The following EFCAB6 variants were observed in gnomAD, a reference collection of about 807,000 sequenced individuals.
EFCAB6 encodes the protein EF-hand calcium-binding domain-containing protein 6.
EFCAB6 carries 156 observed loss-of-function variants against 169.8 expected under a neutral mutation model. The ratio of observed to expected loss-of-function variants is 0.92; its 90% CI spans 0.81 to 1.05. The LOEUF (loss-of-function observed/expected upper bound fraction) is 1.05. Ranked by LOEUF, EFCAB6 falls within the 50% of genes least tolerant of loss-of-function variation. The pLI, the probability that EFCAB6 is intolerant of heterozygous loss-of-function variation, is 0.00. For missense variants in EFCAB6, 1,800 were observed against 1,829.1 expected, an observed-to-expected ratio of 0.98 and a Z score of 0.29; for synonymous variants, 698 against 676.4, an observed-to-expected ratio of 1.03 and a Z score of -0.50.
intron 2 of EFCAB6, among the ~76,000 whole-genome samples, chr22:43,782,910 C>G (rs2061880628): frequency 6.6e-6 from 1 of 152,114 alleles, no homozygotes; most frequent in Admixed American, 6.5e-5. Context: ...GGCATTTTAA[C>G]TTGCCTCATT....
chr22:43,654,617 A>G (rs1406038346), intron 17 of EFCAB6, among the ~76,000 whole-genome samples: 2 of 152,250 alleles, frequency 1.3e-5, no homozygotes, highest in African/African-American at 4.8e-5. Context: ...AATCCTCAGA[A>G]CTGTCAAGGC....
chr22:43,693,346 C>G (rs1385050407), intron 10 of EFCAB6, among the ~76,000 whole-genome samples: 1 of 151,684 alleles, frequency 6.6e-6, no homozygotes, highest in Non-Finnish European at 1.5e-5. Context: ...CCTGTATGGT[C>G]TTTCTCCCCA....
intron 21 of EFCAB6, among the ~76,000 whole-genome samples, chr22:43,613,233 A>C (rs2053450228): frequency 6.7e-6 from 1 of 149,110 alleles, no homozygotes; most frequent in African/African-American, 2.4e-5. Flanking sequence ...ACATAAATAT[A>C]TTCATATCAT....
chr22:43,582,859 T>A (rs1049397603), intron 24 of EFCAB6, among the ~76,000 whole-genome samples: 2 of 152,126 alleles, frequency 1.3e-5, no homozygotes, highest in African/African-American at 4.8e-5. Context: ...GTTAAAGAAA[T>A]CACCCCAACC....
chr22:43,719,684 A>G (rs2059454541), intron 8 of EFCAB6, among the ~76,000 whole-genome samples: 1 of 152,182 alleles, frequency 6.6e-6, no homozygotes, highest in Admixed American at 6.5e-5. Context: ...CTAGCTATGC[A>G]ATGGTGTGCT....
chr22:43,655,295 A>G lies in EFCAB6; in HGVS notation c.1983+11809T>C, dbSNP rs140708586. 3.3e-3 allele frequency among the ~76,000 whole-genome samples: 497 copies of G among 152,286 alleles called. 1 individual carries two copies. Among genetic ancestry groups the G allele is most frequent in the African/African-American group, 0.011 (477 of 41,568 alleles). On this transcript the variant is annotated intron_variant, in intron 17 of 31. Coordinates refer to ENST00000262726, the MANE Select transcript of EFCAB6 (RefSeq NM_022785.4). ...TAAATAAAATACATGTAAAATTAAAATGCAAAACAACTATCACACAAAAGA... is the reference window on the plus strand; with the variant it reads ...TAAATAAAATACATGTAAAATTAAAGTGCAAAACAACTATCACACAAAAGA...
chr22:43,761,911 G>A (rs2061175776), intron 5 of EFCAB6, among the ~76,000 whole-genome samples: 1 of 152,068 alleles, frequency 6.6e-6, no homozygotes, highest in African/African-American at 2.4e-5. Context: ...CGATTCTATT[G>A]GGTATTACAT....
intron 22 of EFCAB6, among the ~76,000 whole-genome samples, chr22:43,603,859 C>T (rs1220970506): frequency 6.6e-6 from 1 of 152,170 alleles, no homozygotes; most frequent in African/African-American, 2.4e-5. Flanking sequence ...GTGTCCCCAC[C>T]CAAATCTCAT....
chr22:43,713,005 T>A (rs1188785050), intron 9 of EFCAB6, among the ~76,000 whole-genome samples: 1 of 152,222 alleles, frequency 6.6e-6, no homozygotes, highest in East Asian at 1.9e-4. Context: ...AGTCTCACCT[T>A]CACATACCAT....
chr22:43,799,058 C>A lies in EFCAB6; in HGVS notation c.-8+9937G>T, dbSNP rs936956024. On this transcript the variant is annotated intron_variant, in intron 2 of 31. Transcript: ENST00000262726. ...CACAATGCAGCTGGGAGCAGTGGCT[C>A]ACACCTTTAACCCCAGCACTTTGGG... 7.9e-5 allele frequency among the ~76,000 whole-genome samples: 12 copies of A among 152,054 alleles called. 1 individual carries two copies. The highest frequency in any genetic ancestry group is 1.8e-4 in the Non-Finnish European group (12 of 68,020).
rs2050258344 is a variant in EFCAB6 at position 43,576,382 on chromosome 22, T to C, written c.3335A>G (p.Tyr1112Cys). The stretch of plus-strand genomic sequence containing the variant: ...ATGAATTCTTAGTTTCCTCAAAAAA[T>C]AATGATACTGATTGTCCGTTAGTTT... Reference protein sequence around the residue: ...CYKLTDNQYHYFLRKLRIHLT... With the variant: ...CYKLTDNQYHCFLRKLRIHLT... Residue 1112 changes from tyrosine to cysteine, a missense_variant, in exon 26 of 32, where the codon TAT (tyrosine) becomes TGT (cysteine). Transcript: ENST00000262726. 3 of 1,602,446 alleles carry C rather than the reference T, an allele frequency of 1.9e-6. No homozygotes were observed. Among genetic ancestry groups the C allele is most frequent in the Admixed American group, 1.8e-5 (1 of 56,870 alleles).
At chr22:43,804,457 A>G (rs1235534424) in intron 2 of EFCAB6, among the ~76,000 whole-genome samples, 1 of 152,210 alleles carries the variant, frequency 6.6e-6, no homozygotes, top group African/African-American at 2.4e-5. Context: ...TAGTAGAAGG[A>G]AAGATATTAT....
chr22:43,576,375 CA>C lies in EFCAB6; in HGVS notation c.3341del (p.Leu1114Ter). On this transcript the variant is annotated frameshift_variant, in exon 26 of 32. Transcript: ENST00000262726. LOFTEE classifies it high-confidence loss of function. Reference sequence around the variant, plus strand: ...GGGTTAGATGAATTCTTAGTTTCCTCAAAAAATAATGATACTGATTGTCCGT... The same window carrying C: ...GGGTTAGATGAATTCTTAGTTTCCTCAAAAATAATGATACTGATTGTCCGT... ...KLTDNQYHYF[L>X]RKLRIHLTPY... The C allele has an allele frequency of 1.2e-6, 2 of 1,600,374 alleles. No individual in the cohort carries two copies. Among genetic ancestry groups the C allele is most frequent in the Admixed American group, 1.8e-5 (1 of 56,312 alleles).
At chr22:43,544,241 C>A (rs2047912213) in intron 27 of EFCAB6, among the ~76,000 whole-genome samples, 1 of 152,200 alleles carries the variant, frequency 6.6e-6, no homozygotes, top group African/African-American at 2.4e-5. Flanking sequence ...TCACTCTCAG[C>A]TGATAATCTT....
intron 20 of EFCAB6, among the ~76,000 whole-genome samples, chr22:43,616,279 T>TG (rs1270074910): frequency 1.3e-5 from 2 of 152,226 alleles, no homozygotes; most frequent in Non-Finnish European, 2.9e-5. Context: ...ATTTGCAAGT[T>TG]GGAGAGATAA....
chr22:43,773,165 C>A, intron 3 of EFCAB6, 62 bp from the exon 4 acceptor site: 1 of 1,541,106 alleles, frequency 6.5e-7, no homozygotes, highest in South Asian at 1.2e-5. Context: ...AACAGAAACT[C>A]TTGCACTGTT....
intron 6 of EFCAB6, among the ~76,000 whole-genome samples, chr22:43,743,400 G>GT (rs1281314732): frequency 6.6e-6 from 1 of 152,212 alleles, no homozygotes; most frequent in Non-Finnish European, 1.5e-5. Flanking sequence ...GAATGATGTA[G>GT]TGACTAGTCA....
chr22:43,531,137 G>A (rs919270159), intron 30 of EFCAB6, among the ~76,000 whole-genome samples, 173 bp from the exon 31 acceptor site: 1 of 152,180 alleles, frequency 6.6e-6, no homozygotes, highest in Admixed American at 6.5e-5. Flanking sequence ...ACAAAGATGC[G>A]CACCCGCCCC....
intron 9 of EFCAB6, 84 bp from the exon 10 acceptor site, chr22:43,711,707 C>A: frequency 6.7e-7 from 1 of 1,499,750 alleles, no homozygotes; most frequent in Non-Finnish European, 8.9e-7. Context: ...TACCAAAAAC[C>A]TCTTCAAATT....
Sources: allele counts gnomAD v4.1 joint callset (sites outside exome capture counted in the v4.1 genomes callset), GRCh38; gene constraint gnomAD v4.1.1; transcripts MANE v1.5; gene names NCBI Gene and HGNC (gene_info 2026-07-23, HGNC 2026-07-21).